The following PPM1L variants were observed in gnomAD, a reference collection of about 807,000 sequenced individuals.
The protein encoded by PPM1L is protein phosphatase, Mg2+/Mn2+ dependent 1L.
A neutral mutation model predicts 31.4 loss-of-function variants in PPM1L; 13 were observed. That is an observed-to-expected ratio of 0.41 (90% CI 0.27 to 0.66). PPM1L has a LOEUF of 0.66. Ranked by LOEUF, PPM1L falls within the 30% of genes least tolerant of loss-of-function variation. The pLI is 0.29. For missense variants in PPM1L, 326 were observed against 453.7 expected, an observed-to-expected ratio of 0.72 and a Z score of 2.56; for synonymous variants, 184 against 175.4, an observed-to-expected ratio of 1.05 and a Z score of -0.39.
intron 2 of PPM1L, among the ~76,000 whole-genome samples, chr3:161,045,829 G>C (rs1719043408): frequency 6.6e-6 from 1 of 152,068 alleles, no homozygotes; most frequent in Non-Finnish European, 1.5e-5. Context: ...AAATCAATGA[G>C]GGCCAGGCGT....
chr3:161,065,350 G>T lies in PPM1L; in HGVS notation c.575-53G>T. On this transcript the variant is annotated intron_variant, in intron 2 of 3. Transcript: ENST00000498165. ...AATCCAGTTACCACAAGAAGCAATG[G>T]AACCTGAATGCACTGCTGACCTCCC... The T allele has an allele frequency of 1.9e-6, 3 of 1,558,048 alleles. No homozygotes were observed. In the South Asian group the frequency reaches 3.5e-5, roughly 18 times the overall value.
intron 1 of PPM1L, among the ~76,000 whole-genome samples, chr3:160,911,612 A>G (rs1713975404): frequency 6.6e-6 from 1 of 152,190 alleles, no homozygotes; most frequent in South Asian, 2.1e-4. Flanking sequence ...GATTCCTGCC[A>G]TTCCTATGCA....
chr3:160,868,539 C>T (rs1712175106), intron 1 of PPM1L, among the ~76,000 whole-genome samples: 1 of 152,196 alleles, frequency 6.6e-6, no homozygotes, highest in Admixed American at 6.5e-5. Flanking sequence ...GGCTGCTTTT[C>T]ACTGGCCCAT....
chr3:160,995,842 C>A (rs1717303655), intron 2 of PPM1L, among the ~76,000 whole-genome samples: 1 of 152,210 alleles, frequency 6.6e-6, no homozygotes, highest in South Asian at 2.1e-4. Context: ...CCTTAGTTTT[C>A]TAATGGCATC....
intron 2 of PPM1L, among the ~76,000 whole-genome samples, chr3:161,045,988 G>C (rs561315730): frequency 1.3e-5 from 2 of 151,618 alleles, no homozygotes; most frequent in East Asian, 3.9e-4. Flanking sequence ...GCAGGTGCCT[G>C]TAGTCCCAGC....
intron 2 of PPM1L, among the ~76,000 whole-genome samples, chr3:161,024,680 A>G (rs1718330351): frequency 6.8e-6 from 1 of 147,018 alleles, no homozygotes. Flanking sequence ...CCTGGGCAAC[A>G]AGAGTGAAAC....
At chr3:160,787,287 A>G (rs1711962866) in intron 1 of PPM1L, among the ~76,000 whole-genome samples, 1 of 152,142 alleles carries the variant, frequency 6.6e-6, no homozygotes, top group Non-Finnish European at 1.5e-5. Context: ...ACTTTTTAAT[A>G]ATCACCATTC....
At chr3:160,840,725 AGAGAGAGAGAGAGAGAAG>A (rs377158401) in intron 1 of PPM1L, among the ~76,000 whole-genome samples, 1,635 of 151,218 alleles carry the variant, frequency 0.011, 27 homozygotes, top group African/African-American at 0.038. Context: ...CAGGGGAGAG[AGAGAGAGAGAGAGAGAAG>A]GAGAGAGAGA....
intron 1 of PPM1L, among the ~76,000 whole-genome samples, chr3:160,820,774 T>C (rs1713176043): frequency 6.6e-6 from 1 of 152,112 alleles, no homozygotes; most frequent in African/African-American, 2.4e-5. Context: ...GTTTATCTCT[T>C]TTTCTGTTAA....
chr3:160,888,505 A>T (rs1713014482), intron 1 of PPM1L, among the ~76,000 whole-genome samples: 1 of 152,234 alleles, frequency 6.6e-6, no homozygotes, highest in South Asian at 2.1e-4. Flanking sequence ...TATGCACCCA[A>T]TACAGGAGTA....
At chr3:160,790,705 G>T (rs1161643097) in intron 1 of PPM1L, among the ~76,000 whole-genome samples, 1 of 152,062 alleles carries the variant, frequency 6.6e-6, no homozygotes, top group Admixed American at 6.6e-5. Context: ...TCTTTTTTTT[G>T]GAGGTAGAAC....
chr3:160,995,963 C>T (rs574207380), intron 2 of PPM1L, among the ~76,000 whole-genome samples: 1 of 152,104 alleles, frequency 6.6e-6, no homozygotes, highest in East Asian at 1.9e-4. Flanking sequence ...CTGAATTAAC[C>T]AAGAAGTGGG....
intron 1 of PPM1L, among the ~76,000 whole-genome samples, chr3:160,910,733 C>T (rs1157799499): frequency 6.6e-6 from 1 of 152,134 alleles, no homozygotes; most frequent in Non-Finnish European, 1.5e-5. Flanking sequence ...TAAAAGGTTT[C>T]CTAACAATTA....
At chr3:160,972,995 T>C (rs990353174) in intron 2 of PPM1L, among the ~76,000 whole-genome samples, 1 of 152,202 alleles carries the variant, frequency 6.6e-6, no homozygotes, top group African/African-American at 2.4e-5. Flanking sequence ...GCATAAATGT[T>C]CTTGTAAAAG....
intron 1 of PPM1L, among the ~76,000 whole-genome samples, chr3:160,909,501 A>T (rs9790132): frequency 0.38 from 57,090 of 152,100 alleles, 13,668 homozygotes; most frequent in Non-Finnish European, 0.54. Flanking sequence ...ATTTAGATCC[A>T]CTGGAAATTT....
In PPM1L at chr3:161,075,421, C is replaced by G. The variant is rs1451709215; in HGVS notation, c.*6264C>G. 1 of 152,122 alleles carries G rather than the reference C, an allele frequency of 6.6e-6. No individual in the cohort carries two copies. The highest frequency in any genetic ancestry group is 6.5e-5 in the Admixed American group (1 of 15,270). 9.4% of individuals were successfully genotyped at this position (152,122 alleles called of 1,614,324 possible). A position where few individuals can be genotyped will look rare whatever the true frequency, so the allele number is the denominator to read the frequency against. On this transcript the variant is annotated 3_prime_UTR_variant, in exon 4 of 4. Coordinates refer to ENST00000498165, the MANE Select transcript of PPM1L (RefSeq NM_139245.4). Reference sequence around the variant, plus strand: ...ATAGATGAAGAAAAGGCAGTTGTTACCACTTTTCACCATTCAAAAAATGGG... The same window carrying G: ...ATAGATGAAGAAAAGGCAGTTGTTAGCACTTTTCACCATTCAAAAAATGGG...
chr3:161,045,914 G>A lies in PPM1L; in HGVS notation c.575-19489G>A, dbSNP rs190125846. 1.8e-3 allele frequency among the ~76,000 whole-genome samples: 272 copies of A among 151,444 alleles called. 1 individual carries two copies. The highest frequency in any genetic ancestry group is 0.016 in the East Asian group (83 of 5,126). ...ATCACGAGGTCAGGAGATCGAGACCGTCCTGGCTAACACAGTGAAACCGTT... is the reference window on the plus strand; with the variant it reads ...ATCACGAGGTCAGGAGATCGAGACCATCCTGGCTAACACAGTGAAACCGTT... On this transcript the variant is annotated intron_variant, in intron 2 of 3. Coordinates refer to ENST00000498165, the MANE Select transcript of PPM1L (RefSeq NM_139245.4).
chr3:161,029,503 A>G (rs1190947704), intron 2 of PPM1L, among the ~76,000 whole-genome samples: 1 of 152,234 alleles, frequency 6.6e-6, no homozygotes, highest in African/African-American at 2.4e-5. Context: ...TTTGAGAAGA[A>G]GAAAGCGATA....
chr3:160,853,521 G>A (rs1433518040), intron 1 of PPM1L, among the ~76,000 whole-genome samples: 5 of 152,046 alleles, frequency 3.3e-5, no homozygotes, highest in Non-Finnish European at 7.4e-5. Flanking sequence ...AAATCTGAAA[G>A]GGAAGATAAT....
Sources: gnomAD v4.1 joint callset for allele counts (sites outside exome capture counted in the v4.1 genomes callset) on GRCh38, gnomAD v4.1.1 for gene constraint, MANE v1.5 for transcripts, NCBI Gene and HGNC (gene_info 2026-07-23, HGNC 2026-07-21) for gene names.